UGT2B11: variants seen among roughly 807,000 people sequenced by gnomAD.
UGT2B11 encodes UDP-glucuronosyltransferase 2B11.
UGT2B11 carries 49 observed loss-of-function variants against 51.7 expected under a neutral mutation model. That is an observed-to-expected ratio of 0.95 (90% CI 0.75 to 1.20). The LOEUF (loss-of-function observed/expected upper bound fraction) is 1.20, where lower values mean the gene tolerates loss of function less well. UGT2B11 is among the 50% of genes most tolerant of loss of function. UGT2B11 has a pLI of 0.00. For missense variants in UGT2B11, 810 were observed against 622.1 expected (o/e 1.30, Z -3.21); for synonymous variants, 273 against 209.0 (o/e 1.31, Z -2.64).
chr4:69,213,532 A>G (rs969440143), intron 1 of UGT2B11, among the ~76,000 whole-genome samples: 2 of 151,788 alleles, frequency 1.3e-5, no homozygotes, highest in African/African-American at 4.8e-5. Context: ...TCTACTGTGA[A>G]GGAAACCTTC....
At chr4:69,202,980 C>T (rs1276977996) in intron 5 of UGT2B11, among the ~76,000 whole-genome samples, 1 of 151,554 alleles carries the variant, frequency 6.6e-6, no homozygotes, top group African/African-American at 2.4e-5. Flanking sequence ...GGTAATTTTT[C>T]ACATTGTTAT....
At position 69,204,605 on chromosome 4, in the gene UGT2B11, C is replaced by A; in HGVS notation, c.1135G>T (p.Gly379Cys). The change falls in exon 5 of 6, where the codon GGC (glycine) becomes TGC (cysteine). Residue 379 changes from glycine (G) to cysteine (C), a missense_variant. Coordinates refer to ENST00000446444, the MANE Select transcript of UGT2B11 (RefSeq NM_001073.3). Reference sequence around the variant, plus strand: ...CCATGGTAGATTGCCTCATAGATGCCATTGGCTCCACCATGAGTTATAAAA... The same window carrying A: ...CCATGGTAGATTGCCTCATAGATGCAATTGGCTCCACCATGAGTTATAAAA... ...RAFITHGGAN[G>C]IYEAIYHGIP... is the part of the protein sequence containing the mutation. 1.9e-6 allele frequency: 3 copies of A among 1,611,962 alleles called. No homozygotes were observed. Among genetic ancestry groups the A allele is most frequent in the Non-Finnish European group, 1.7e-6 (2 of 1,178,690 alleles).
intron 5 of UGT2B11, chr4:69,201,316 T>G (rs1721651125): frequency 6.6e-6 from 1 of 151,900 alleles, no homozygotes; most frequent in Admixed American, 6.6e-5. Context: ...TCGTCACTTT[T>G]CTTCTACATT....
chr4:69,207,431 G>A (rs1560538132), intron 3 of UGT2B11, among the ~76,000 whole-genome samples: 1 of 151,604 alleles, frequency 6.6e-6, no homozygotes, highest in African/African-American at 2.4e-5. Flanking sequence ...AATACACAAA[G>A]GTCCCTGGTT....
At chr4:69,218,836 C>T (rs1292840822), upstream of UGT2B11, among the ~76,000 whole-genome samples, 10 of 152,108 alleles carry the variant, frequency 6.6e-5, no homozygotes, top group Non-Finnish European at 1.3e-4. Flanking sequence ...GACCTATTCA[C>T]AAAAGTCCCT....
chr4:69,209,187 T>C (rs1256310494), intron 2 of UGT2B11, among the ~76,000 whole-genome samples: 1 of 151,692 alleles, frequency 6.6e-6, no homozygotes, highest in Non-Finnish European at 1.5e-5. Context: ...TCATATGGAA[T>C]TGTAGAGTTT....
At chr4:69,201,391 C>T (rs1246060203) in intron 5 of UGT2B11, 1 of 151,836 alleles carries the variant, frequency 6.6e-6, no homozygotes, top group Admixed American at 6.6e-5. Flanking sequence ...TAATGTCAGA[C>T]TATGGCACTC....
At chr4:69,218,890 C>T (rs530052442), upstream of UGT2B11, among the ~76,000 whole-genome samples, 1 of 152,166 alleles carries the variant, frequency 6.6e-6, no homozygotes, top group African/African-American at 2.4e-5. Flanking sequence ...TCTGGGAGAC[C>T]CCTCTGCCAG....
upstream of UGT2B11, among the ~76,000 whole-genome samples, chr4:69,219,549 A>C (rs1274256146): frequency 6.6e-6 from 1 of 152,126 alleles, no homozygotes; most frequent in East Asian, 1.9e-4. Flanking sequence ...GAGACTGGGT[A>C]ATTTAAAAGG....
chr4:69,222,553 G>C, the UGT2B11 span, among the ~76,000 whole-genome samples: 1 of 152,160 alleles, frequency 6.6e-6, no homozygotes, highest in Non-Finnish European at 1.5e-5. Flanking sequence ...CTCCTCCAGG[G>C]TCATTCAATC....
chr4:69,207,932 T>A (rs1432307833), intron 3 of UGT2B11, among the ~76,000 whole-genome samples: 1 of 151,668 alleles, frequency 6.6e-6, no homozygotes, highest in South Asian at 2.1e-4. Context: ...GTTCTGGATA[T>A]ATATTTTTAG....
At chr4:69,208,714 A>C (rs1721950442) in intron 2 of UGT2B11, among the ~76,000 whole-genome samples, 1 of 151,644 alleles carries the variant, frequency 6.6e-6, no homozygotes, top group Non-Finnish European at 1.5e-5. Context: ...ATGTGTCTGC[A>C]TGTGTGTAAT....
intron 5 of UGT2B11, among the ~76,000 whole-genome samples, chr4:69,203,300 C>T (rs1721727045): frequency 6.6e-6 from 1 of 151,504 alleles, no homozygotes; most frequent in African/African-American, 2.4e-5. Context: ...CAATCCAAGA[C>T]CAGGATGAGA....
Position 69,200,336 on chromosome 4 carries a change from T to TTTA in UGT2B11, c.*103_*104insTAA. ...AATTTTTTTTTTTTTTTTTTTTTTG[T>TTTA]CACAGGAAGAAAGAAATCTTGCATA... On this transcript the variant is annotated 3_prime_UTR_variant, in exon 6 of 6. Transcript: ENST00000446444. The TTTA allele has an allele frequency of 9.2e-7, 1 of 1,089,438 alleles. No individual in the cohort carries two copies. Among genetic ancestry groups the TTTA allele is most frequent in the Non-Finnish European group, 1.2e-6 (1 of 854,694 alleles). The allele number at this position is 1,089,438 out of a possible 1,614,324, so 67.5% of individuals were successfully genotyped here.
upstream of UGT2B11, chr4:69,216,112 T>C (rs1244877031): frequency 6.6e-6 from 1 of 152,030 alleles, no homozygotes; most frequent in African/African-American, 2.4e-5. Flanking sequence ...TGTAAATGGA[T>C]GATAGTAGAC....
At chr4:69,217,331 A>G (rs575714750), upstream of UGT2B11, among the ~76,000 whole-genome samples, 2 of 152,264 alleles carry the variant, frequency 1.3e-5, no homozygotes, top group East Asian at 3.9e-4. Flanking sequence ...TTTTTATTCT[A>G]TTAATAATCT....
upstream of UGT2B11, among the ~76,000 whole-genome samples, chr4:69,218,585 A>G (rs1722333570): frequency 6.6e-6 from 1 of 152,148 alleles, no homozygotes; most frequent in Non-Finnish European, 1.5e-5. Flanking sequence ...AAGGCAAACT[A>G]TGAAAGCCAG....
intron 5 of UGT2B11, 68 bp from the exon 6 acceptor site, chr4:69,200,787 G>A: frequency 6.9e-7 from 1 of 1,449,430 alleles, no homozygotes; most frequent in Non-Finnish European, 9.2e-7. Context: ...TCAAGTCTAT[G>A]AAAGGCTTTT....
At chr4:69,203,606 A>C (rs910260913) in intron 5 of UGT2B11, among the ~76,000 whole-genome samples, 1 of 151,774 alleles carries the variant, frequency 6.6e-6, no homozygotes, top group Admixed American at 6.6e-5. Context: ...ACAAATGAAC[A>C]ACTAAATTAT....
Sources: gnomAD v4.1 joint callset for allele counts (sites outside exome capture counted in the v4.1 genomes callset) on GRCh38, gnomAD v4.1.1 for gene constraint, MANE v1.5 for transcripts, NCBI Gene and HGNC (gene_info 2026-07-23, HGNC 2026-07-21) for gene names.